ADCY2: variants seen among roughly 807,000 people sequenced by gnomAD.
ADCY2 encodes the protein adenylate cyclase type 2.
Under a neutral mutation model 125.2 loss-of-function variants are expected in ADCY2, and 31 were observed. The ratio of observed to expected loss-of-function variants is 0.25; its 90% confidence interval spans 0.19 to 0.33. ADCY2 has a LOEUF of 0.33. Ranked by LOEUF, ADCY2 falls within the 10% of genes least tolerant of loss-of-function variation. The probability of loss-of-function intolerance (pLI) is 1.00; values close to 1 mark genes in which losing one functional copy is unlikely to be tolerated. For synonymous variants in ADCY2, 512 were observed against 548.4 expected, an observed-to-expected ratio of 0.93 and a Z score of 0.93; for missense variants, 904 against 1,418.2, an observed-to-expected ratio of 0.64 and a Z score of 5.82.
intron 20 of ADCY2, among the ~76,000 whole-genome samples, chr5:7,791,815 C>T (rs1744255439): frequency 6.6e-6 from 1 of 152,010 alleles, no homozygotes; most frequent in East Asian, 1.9e-4. Flanking sequence ...GTGGGCGCCT[C>T]CTGGGGATAG....
chr5:7,823,801 A>G (rs1340669242), intron 24 of ADCY2, among the ~76,000 whole-genome samples: 1 of 152,158 alleles, frequency 6.6e-6, no homozygotes, highest in Non-Finnish European at 1.5e-5. Context: ...CCTCCTGGAG[A>G]TCGTAAATCT....
intron 3 of ADCY2, among the ~76,000 whole-genome samples, chr5:7,521,880 C>T (rs1744458681): frequency 6.6e-6 from 1 of 152,112 alleles, no homozygotes. Context: ...GCCAGGAAAA[C>T]CTGCATTCAT....
intron 2 of ADCY2, among the ~76,000 whole-genome samples, chr5:7,430,907 T>C (rs1175453277): frequency 6.6e-6 from 1 of 152,170 alleles, no homozygotes; most frequent in Non-Finnish European, 1.5e-5. Flanking sequence ...AGAGAGATTC[T>C]GTTCATGGAT....
chr5:7,578,463 T>G (rs898306705), intron 3 of ADCY2, among the ~76,000 whole-genome samples: 1 of 152,220 alleles, frequency 6.6e-6, no homozygotes, highest in African/African-American at 2.4e-5. Flanking sequence ...ACCTTCCTAT[T>G]TGCTGCCTAG....
chr5:7,813,182 A>G (rs1410916654), intron 22 of ADCY2, among the ~76,000 whole-genome samples: 1 of 152,230 alleles, frequency 6.6e-6, no homozygotes, highest in African/African-American at 2.4e-5. Flanking sequence ...TGCTCCTTAG[A>G]TAACAATCCC....
chr5:7,591,736 C>A (rs1736854209), intron 3 of ADCY2, among the ~76,000 whole-genome samples: 1 of 152,128 alleles, frequency 6.6e-6, no homozygotes, highest in African/African-American at 2.4e-5. Flanking sequence ...CCCAGGAAGG[C>A]AATCCACGCA....
intron 2 of ADCY2, among the ~76,000 whole-genome samples, chr5:7,512,863 A>C (rs565712032): frequency 2.0e-5 from 3 of 152,290 alleles, no homozygotes; most frequent in African/African-American, 4.8e-5. Context: ...ATCTGGAAGC[A>C]TTGAGACCTG....
chr5:7,454,015 CCTGGTG>C (rs1741573749), intron 2 of ADCY2, among the ~76,000 whole-genome samples: 2 of 152,116 alleles, frequency 1.3e-5, no homozygotes, highest in Admixed American at 6.6e-5. Context: ...ACTGCTTTTC[CCTGGTG>C]CTGGCTGCAA....
intron 16 of ADCY2, among the ~76,000 whole-genome samples, chr5:7,761,148 C>CTTTTCTTTT (rs747191915): frequency 1.4e-4 from 12 of 88,164 alleles, no homozygotes; most frequent in South Asian, 4.2e-4. Flanking sequence ...CTTTTCTTTT[C>CTTTTCTTTT]TTTTTTTTTT....
At chr5:7,734,713 A>G (rs1172135135) in intron 14 of ADCY2, among the ~76,000 whole-genome samples, 1 of 152,216 alleles carries the variant, frequency 6.6e-6, no homozygotes, top group Non-Finnish European at 1.5e-5. Context: ...GCGTTTGACC[A>G]ACCATTACTT....
chr5:7,660,297 A>AAGGAAGGAAGGAAGGAAGGAAGGG (rs1215647406), intron 4 of ADCY2, among the ~76,000 whole-genome samples: 1 of 148,092 alleles, frequency 6.8e-6, no homozygotes, highest in African/African-American at 2.5e-5. Context: ...GGAAGGAAGG[A>AAGGAAGGAAGGAAGGAAGGAAGGG]AGGACTGTGA....
chr5:7,671,491 T>C (rs1027195319), intron 4 of ADCY2, among the ~76,000 whole-genome samples: 1 of 152,246 alleles, frequency 6.6e-6, no homozygotes, highest in Non-Finnish European at 1.5e-5. Flanking sequence ...TAGTATTAAT[T>C]ACACAACTGA....
intron 2 of ADCY2, among the ~76,000 whole-genome samples, chr5:7,421,925 C>A (rs1740220133): frequency 6.6e-6 from 1 of 152,156 alleles, no homozygotes; most frequent in African/African-American, 2.4e-5. Context: ...AACAAATAAA[C>A]ACTCATGAAT....
At chr5:7,548,581 C>A (rs766029318) in intron 3 of ADCY2, among the ~76,000 whole-genome samples, 3 of 152,110 alleles carry the variant, frequency 2.0e-5, no homozygotes, top group Non-Finnish European at 4.4e-5. Context: ...AGTTTTGCAC[C>A]AGCAACTCCT....
chr5:7,680,693 A>T (rs1740300578), intron 4 of ADCY2, among the ~76,000 whole-genome samples: 1 of 152,230 alleles, frequency 6.6e-6, no homozygotes, highest in African/African-American at 2.4e-5. Context: ...TATATAAAGT[A>T]AACTTGAGTT....
chr5:7,813,831 C>T (rs1745016309), intron 22 of ADCY2, among the ~76,000 whole-genome samples: 1 of 152,210 alleles, frequency 6.6e-6, no homozygotes, highest in African/African-American at 2.4e-5. Flanking sequence ...TTGTTTGCTG[C>T]ACCTTGGTTT....
At chr5:7,495,239 C>G (rs1310268364) in intron 2 of ADCY2, among the ~76,000 whole-genome samples, 1 of 152,162 alleles carries the variant, frequency 6.6e-6, no homozygotes, top group Non-Finnish European at 1.5e-5. Flanking sequence ...TGAATATGCT[C>G]TAAATAAAAG....
chr5:7,547,451 C>A (rs1735181653), intron 3 of ADCY2, among the ~76,000 whole-genome samples: 1 of 152,180 alleles, frequency 6.6e-6, no homozygotes, highest in African/African-American at 2.4e-5. Flanking sequence ...ATGGGTCTCG[C>A]ATCCTGTCTT....
Position 7,816,973 on chromosome 5 carries a change from G to A in ADCY2, c.2991G>A (p.Leu997=). Residue 997 remains leucine (L), a synonymous_variant, in exon 23 of 25, where the codon TTG becomes TTA. Transcript: ENST00000338316. ...INKHSFNDFK[L]RVGINHGPVI... ...AGCACTCCTTCAACGACTTCAAATT[G>A]CGAGTGGGTACGTTCTGCAAAAGAG... 1.9e-6 allele frequency: 3 copies of A among 1,613,934 alleles called. No homozygotes were observed. Among genetic ancestry groups the A allele is most frequent in the Non-Finnish European group, 2.5e-6 (3 of 1,179,852 alleles).
Sources: allele counts gnomAD v4.1 joint callset (sites outside exome capture counted in the v4.1 genomes callset), GRCh38; gene constraint gnomAD v4.1.1; transcripts MANE v1.5; gene names NCBI Gene and HGNC (gene_info 2026-07-23, HGNC 2026-07-21).